The following UBE2G1 variants were observed in gnomAD, a reference collection of about 807,000 sequenced individuals.
UBE2G1 encodes the protein ubiquitin conjugating enzyme E2 G1.
Under a neutral mutation model 22.7 loss-of-function variants are expected in UBE2G1, and 5 were observed. The ratio of observed to expected loss-of-function variants is 0.22; its 90% CI spans 0.12 to 0.46. UBE2G1 has a LOEUF of 0.46. Among genes scored for constraint, UBE2G1 ranks in the 20% least tolerant of loss-of-function variants. The pLI is 0.99. For synonymous variants in UBE2G1, 74 were observed against 67.5 expected (o/e 1.10, Z -0.47); for missense variants, 88 against 203.9 (o/e 0.43, Z 3.46).
At chr17:4,306,938 C>T in intron 2 of UBE2G1, 83 bp downstream of exon 2, 2 of 1,304,856 alleles carry the variant, frequency 1.5e-6, no homozygotes, top group Non-Finnish European at 2.2e-6. Context: ...GTGTGAGCCA[C>T]CGTGCCCAGC....
At chr17:4,339,380 C>T (rs1412756191) in intron 1 of UBE2G1, among the ~76,000 whole-genome samples, 1 of 151,932 alleles carries the variant, frequency 6.6e-6, no homozygotes, top group African/African-American at 2.4e-5. Context: ...TCTTGGCTCC[C>T]TGCAACCTTC....
intron 1 of UBE2G1, 51 bp from the exon 2 acceptor site, chr17:4,307,174 C>G: frequency 1.4e-6 from 2 of 1,450,156 alleles, no homozygotes; most frequent in Non-Finnish European, 1.9e-6. Flanking sequence ...TAATTTGCAT[C>G]CAGTAGATAA....
At position 4,271,935 on chromosome 17, in the gene UBE2G1, A is replaced by G. The variant is rs1968765021; in HGVS notation, c.*619T>C. 1 of 152,674 alleles carries G rather than the reference A, an allele frequency of 6.5e-6. No homozygotes were observed. The highest frequency in any genetic ancestry group is 1.5e-5 in the Non-Finnish European group (1 of 68,044). The allele number at this position is 152,674 out of a possible 1,614,324, so 9.5% of individuals were successfully genotyped here. On this transcript the variant is annotated 3_prime_UTR_variant, in exon 6 of 6. Transcript: ENST00000396981. The stretch of plus-strand genomic sequence containing the variant: ...AAAATCAAGTAATTGCTCATTAAGT[A>G]TTTCAGTATTTGAACTAAATCATTT...
chr17:4,341,365 C>G (rs2143798166), intron 1 of UBE2G1, among the ~76,000 whole-genome samples: 1 of 152,204 alleles, frequency 6.6e-6, no homozygotes, highest in South Asian at 2.1e-4. Flanking sequence ...ATTTACTTCT[C>G]TACCTTCTCT....
In UBE2G1 at chr17:4,289,254, G is replaced by A; in HGVS notation, c.402C>T (p.Asp134=). 5 of 1,573,762 alleles carry A rather than the reference G, an allele frequency of 3.2e-6. No homozygotes were observed. Among genetic ancestry groups the A allele is most frequent in the Admixed American group, 1.9e-5 (1 of 52,452 alleles). Residue 134 remains aspartate (D), a synonymous_variant, in exon 4 of 6, where the codon GAC becomes GAT. Coordinates refer to ENST00000396981, the MANE Select transcript of UBE2G1 (RefSeq NM_003342.5). ...VISMLADPNG[D]SPANVDAAKE... ...CCGCAGCATCAACATTAGCAGGTGAGTCTCCATTAGGGTCTGCCAGCATAG... is the reference window on the plus strand; with the variant it reads ...CCGCAGCATCAACATTAGCAGGTGAATCTCCATTAGGGTCTGCCAGCATAG...
chr17:4,350,792 G>C (rs1006668455), intron 1 of UBE2G1, among the ~76,000 whole-genome samples: 1 of 151,992 alleles, frequency 6.6e-6, no homozygotes, highest in Non-Finnish European at 1.5e-5. Context: ...CAGCACTTTG[G>C]GAGGCCGAGG....
intron 5 of UBE2G1, among the ~76,000 whole-genome samples, chr17:4,276,368 G>T (rs997241121): frequency 4.0e-5 from 6 of 151,846 alleles, no homozygotes; most frequent in Non-Finnish European, 8.8e-5. Context: ...TTAGTAGGAA[G>T]CGGTTTTGCC....
intron 2 of UBE2G1, among the ~76,000 whole-genome samples, chr17:4,298,683 G>A (rs1250561720): frequency 1.3e-5 from 2 of 152,048 alleles, no homozygotes; most frequent in African/African-American, 4.8e-5. Context: ...AGCTGTAAAG[G>A]GTTAAAGAAC....
chr17:4,281,309 A>C (rs1175394534), intron 5 of UBE2G1, among the ~76,000 whole-genome samples: 1 of 152,238 alleles, frequency 6.6e-6, no homozygotes, highest in Non-Finnish European at 1.5e-5. Flanking sequence ...TCCACATATA[A>C]ACAGTTCAAA....
chr17:4,356,418 A>T (rs928279146), intron 1 of UBE2G1, among the ~76,000 whole-genome samples: 2 of 152,228 alleles, frequency 1.3e-5, no homozygotes, highest in African/African-American at 4.8e-5. Flanking sequence ...TACTAAATGT[A>T]GCACCTCAAG....
intron 1 of UBE2G1, among the ~76,000 whole-genome samples, chr17:4,342,038 T>G (rs1358792626): frequency 1.3e-5 from 2 of 152,182 alleles, no homozygotes; most frequent in East Asian, 1.9e-4. Flanking sequence ...CCATCCAACT[T>G]CATAGTTTAT....
chr17:4,277,874 T>C (rs898864301), intron 5 of UBE2G1, among the ~76,000 whole-genome samples: 3 of 151,966 alleles, frequency 2.0e-5, no homozygotes, highest in Admixed American at 6.6e-5. Flanking sequence ...CTGCTGACTA[T>C]TCAGTCTACA....
intron 1 of UBE2G1, among the ~76,000 whole-genome samples, chr17:4,334,040 T>G (rs1456138482): frequency 6.6e-6 from 1 of 151,810 alleles, no homozygotes; most frequent in African/African-American, 2.4e-5. Context: ...GGCACGTGAA[T>G]GGCAGAACAT....
chr17:4,347,687 G>C (rs1440030881), intron 1 of UBE2G1, among the ~76,000 whole-genome samples: 1 of 151,978 alleles, frequency 6.6e-6, no homozygotes, highest in Admixed American at 6.6e-5. Context: ...ACGTGGACCA[G>C]GCTGGTCTCA....
At chr17:4,328,202 G>C (rs1219742445) in intron 1 of UBE2G1, among the ~76,000 whole-genome samples, 1 of 152,144 alleles carries the variant, frequency 6.6e-6, no homozygotes, top group Non-Finnish European at 1.5e-5. Context: ...TGGTTAATCT[G>C]GTTCTCCCAG....
chr17:4,310,220 T>G (rs1399450643), intron 1 of UBE2G1, among the ~76,000 whole-genome samples: 1 of 152,214 alleles, frequency 6.6e-6, no homozygotes, highest in Admixed American at 6.5e-5. Flanking sequence ...AATAATCTTT[T>G]GGCTTCTGCT....
chr17:4,307,238 T>TA, intron 1 of UBE2G1, 115 bp from the exon 2 acceptor site: 2 of 871,486 alleles, frequency 2.3e-6, no homozygotes, highest in East Asian at 5.5e-5. Flanking sequence ...ATTAAATAGA[T>TA]ATACCTTGCC....
At chr17:4,344,602 C>T (rs906236654) in intron 1 of UBE2G1, among the ~76,000 whole-genome samples, 29 of 151,380 alleles carry the variant, frequency 1.9e-4, no homozygotes, top group African/African-American at 6.5e-4. Flanking sequence ...CGGTGACTCA[C>T]ACCTGTAATC....
chr17:4,329,023 G>A lies in UBE2G1; in HGVS notation c.47-21900C>T, dbSNP rs138305912. 1.7e-3 allele frequency among the ~76,000 whole-genome samples: 258 copies of A among 147,844 alleles called. 3 individuals carry two copies. Among genetic ancestry groups the A allele is most frequent in the African/African-American group, 5.7e-3 (229 of 40,334 alleles). On this transcript the variant is annotated intron_variant, in intron 1 of 5. Transcript: ENST00000396981. The stretch of plus-strand genomic sequence containing the variant: ...CAGGAGGCTGAGGCAGGAGAATGGC[G>A]TGAACCCGGGAGGTGGAGCTTCAGT...
Sources: gnomAD v4.1 joint callset for allele counts (sites outside exome capture counted in the v4.1 genomes callset) on GRCh38, gnomAD v4.1.1 for gene constraint, MANE v1.5 for transcripts, NCBI Gene and HGNC (gene_info 2026-07-23, HGNC 2026-07-21) for gene names.